Variants in CERS6 observed in about 807,000 individuals in gnomAD.
CERS6 encodes ceramide synthase 6.
In CERS6, 26 loss-of-function variants were observed where a neutral mutation model predicts 56.8. The observed-to-expected ratio is 0.46, with a 90% CI of 0.34 to 0.63. CERS6 has a LOEUF of 0.63. Among genes scored for constraint, CERS6 ranks in the 30% least tolerant of loss-of-function variants. CERS6 has a pLI of 0.01. For missense variants in CERS6, 415 were observed against 467.5 expected (o/e 0.89, Z 1.04); for synonymous variants, 164 against 173.3 (o/e 0.95, Z 0.42).
intron 3 of CERS6, among the ~76,000 whole-genome samples, chr2:168,626,022 A>G (rs1435439292): frequency 6.6e-6 from 1 of 152,156 alleles, no homozygotes; most frequent in Non-Finnish European, 1.5e-5. Context: ...GCATAGCTTA[A>G]TGGTTAAGAG....
intron 1 of CERS6, among the ~76,000 whole-genome samples, chr2:168,542,824 G>A (rs1574054342): frequency 2.6e-5 from 4 of 152,112 alleles, no homozygotes; most frequent in Non-Finnish European, 4.4e-5. Flanking sequence ...AGCTTCCAGA[G>A]TAGCTGGGAT....
intron 1 of CERS6, among the ~76,000 whole-genome samples, chr2:168,520,514 T>C (rs183355390): frequency 1.3e-5 from 2 of 151,930 alleles, no homozygotes; most frequent in African/African-American, 4.8e-5. Flanking sequence ...TGGACCAATG[T>C]CTTAGAAGAC....
At chr2:168,564,648 T>C (rs767209162) in intron 3 of CERS6, among the ~76,000 whole-genome samples, 1 of 152,188 alleles carries the variant, frequency 6.6e-6, no homozygotes, top group Non-Finnish European at 1.5e-5. Flanking sequence ...GCCTTCTTCC[T>C]TCCTGCCTTG....
At chr2:168,611,642 C>T (rs1684191788) in intron 3 of CERS6, among the ~76,000 whole-genome samples, 1 of 152,220 alleles carries the variant, frequency 6.6e-6, no homozygotes. Context: ...CACTTTCCAG[C>T]CCTACTAAAT....
rs1370255707 is a variant in CERS6 at position 168,771,631 on chromosome 2, TAA to T, written c.*1972_*1973del. The T allele has an allele frequency of 6.6e-6, 1 of 152,144 alleles. No individual in the cohort carries two copies. The highest frequency in any genetic ancestry group is 1.5e-5 in the Non-Finnish European group (1 of 68,036). 9.4% of individuals were successfully genotyped at this position (152,144 alleles called of 1,614,324 possible). ...ATTACAGCTGAAAATTTTGAGAAGG[TAA>T]AAGTTTCTTAATTAAAATATGAACA... On this transcript the variant is annotated 3_prime_UTR_variant, in exon 10 of 10. Coordinates refer to ENST00000305747, the MANE Select transcript of CERS6 (RefSeq NM_203463.3).
intron 4 of CERS6, among the ~76,000 whole-genome samples, chr2:168,673,381 A>C (rs1685971714): frequency 6.6e-6 from 1 of 152,178 alleles, no homozygotes; most frequent in Non-Finnish European, 1.5e-5. Flanking sequence ...CAAAAGTCTA[A>C]ATTACACTGG....
chr2:168,561,090 A>G, intron 2 of CERS6, 102 bp from the exon 3 acceptor site: 1 of 1,271,502 alleles, frequency 7.9e-7, no homozygotes, highest in Non-Finnish European at 1.1e-6. Context: ...GATAGTAAAC[A>G]ATAGGGGGAA....
At chr2:168,690,985 C>T in intron 4 of CERS6, 49 bp from the exon 5 acceptor site, 1 of 1,536,866 alleles carries the variant, frequency 6.5e-7, no homozygotes, top group Non-Finnish European at 9.0e-7. Flanking sequence ...TTTTTATCCT[C>T]TTATCCATGT....
At chr2:168,533,209 C>T (rs1379788845) in intron 1 of CERS6, among the ~76,000 whole-genome samples, 1 of 152,078 alleles carries the variant, frequency 6.6e-6, no homozygotes, top group African/African-American at 2.4e-5. Context: ...GGGATATTGG[C>T]CTGAAATTTT....
intron 6 of CERS6, among the ~76,000 whole-genome samples, chr2:168,699,381 C>G (rs1686748006): frequency 6.6e-6 from 1 of 152,150 alleles, no homozygotes; most frequent in South Asian, 2.1e-4. Context: ...GAAGAGTTAT[C>G]ACAGTGTTTC....
chr2:168,703,747 C>G (rs1457949107), intron 6 of CERS6, among the ~76,000 whole-genome samples: 1 of 152,150 alleles, frequency 6.6e-6, no homozygotes, highest in East Asian at 1.9e-4. Flanking sequence ...GTCAGGAGGG[C>G]CGCTTCACCT....
Position 168,613,626 on chromosome 2 carries a change from C to T in CERS6, c.408-17359C>T, listed in dbSNP as rs77603206. 5.7e-3 allele frequency among the ~76,000 whole-genome samples: 866 copies of T among 152,186 alleles called. 9 individuals carry two copies. The highest frequency in any genetic ancestry group is 0.018 in the African/African-American group (767 of 41,508). On this transcript the variant is annotated intron_variant, in intron 3 of 9. Coordinates refer to ENST00000305747, the MANE Select transcript of CERS6 (RefSeq NM_203463.3). The stretch of plus-strand genomic sequence containing the variant: ...CTCCAGAAGAGACACTTAAACTTGC[C>T]CAGGATCACCCTGTGAGTATCATAG...
At chr2:168,570,539 G>A (rs1695966833) in intron 3 of CERS6, among the ~76,000 whole-genome samples, 1 of 152,178 alleles carries the variant, frequency 6.6e-6, no homozygotes, top group Non-Finnish European at 1.5e-5. Flanking sequence ...GCTGGCTTTA[G>A]TAAAGCCACC....
intron 9 of CERS6, 82 bp downstream of exon 9, chr2:168,765,830 A>G (rs981193951): frequency 8.4e-5 from 104 of 1,231,912 alleles, no homozygotes; most frequent in Non-Finnish European, 1.1e-4. Flanking sequence ...TTACTATTCC[A>G]TATTTCATCA....
At chr2:168,548,707 T>G (rs1368700568) in intron 2 of CERS6, among the ~76,000 whole-genome samples, 1 of 152,268 alleles carries the variant, frequency 6.6e-6, no homozygotes, top group Admixed American at 6.5e-5. Context: ...GTCTTACAAC[T>G]ATTAATTCAG....
rs148315079 is a variant in CERS6, at chr2:168,518,872, CCTT to C, written c.171-28723_171-28721del. On this transcript the variant is annotated intron_variant, in intron 1 of 9. Coordinates refer to ENST00000305747, the MANE Select transcript of CERS6 (RefSeq NM_203463.3). ...GGCTGACCGTTGGTATTCTCTTCCTCCTTTATGCATCTCTCCCAAGTGTCTTTG... is the reference window on the plus strand; with the variant it reads ...GGCTGACCGTTGGTATTCTCTTCCTCTATGCATCTCTCCCAAGTGTCTTTG... Among the ~76,000 whole-genome samples the C allele has an allele frequency of 7.8e-3, 1,182 of 152,292 alleles. 45 individuals are homozygous for C. Among genetic ancestry groups the C allele is most frequent in the Admixed American group, 0.063 (970 of 15,292 alleles).
At chr2:168,547,761 C>T in intron 2 of CERS6, 60 bp downstream of exon 2, 1 of 1,173,326 alleles carries the variant, frequency 8.5e-7, no homozygotes, top group Middle Eastern at 1.9e-4. Context: ...AGCCTGCTGT[C>T]ATTCAATTTG....
chr2:168,675,592 A>C (rs1686038301), intron 4 of CERS6, among the ~76,000 whole-genome samples: 1 of 152,200 alleles, frequency 6.6e-6, no homozygotes, highest in Non-Finnish European at 1.5e-5. Flanking sequence ...TCTCAAAACA[A>C]AACAAAACAA....
At chr2:168,697,952 C>T (rs1178524132) in intron 6 of CERS6, among the ~76,000 whole-genome samples, 1 of 152,090 alleles carries the variant, frequency 6.6e-6, no homozygotes, top group African/African-American at 2.4e-5. Flanking sequence ...CAGCAGGGCT[C>T]AAAATATCTT....
Sources: allele counts gnomAD v4.1 joint callset (sites outside exome capture counted in the v4.1 genomes callset), GRCh38; gene constraint gnomAD v4.1.1; transcripts MANE v1.5; gene names NCBI Gene and HGNC (gene_info 2026-07-23, HGNC 2026-07-21).